SYT1: variants seen among roughly 807,000 people sequenced by gnomAD.
SYT1 encodes synaptotagmin 1, also known as synaptotagmin-1.
A neutral mutation model predicts 44.8 loss-of-function variants in SYT1; 8 were observed. That is an observed-to-expected ratio of 0.18 (90% CI 0.10 to 0.32). SYT1 has a LOEUF of 0.32. SYT1 is among the 10% of genes least tolerant of loss of function. The pLI is 1.00. For missense variants in SYT1, 286 were observed against 509.3 expected (o/e 0.56, Z 4.22); for synonymous variants, 154 against 188.8 (o/e 0.82, Z 1.51).
chr12:79,001,200 T>C (rs1870716296), intron 2 of SYT1, among the ~76,000 whole-genome samples: 1 of 152,056 alleles, frequency 6.6e-6, no homozygotes, highest in Non-Finnish European at 1.5e-5. Flanking sequence ...ATGCTACATT[T>C]AATGGACTAA....
chr12:79,171,800 TCTC>T (rs1201168253), intron 3 of SYT1, among the ~76,000 whole-genome samples: 2 of 151,928 alleles, frequency 1.3e-5, no homozygotes, highest in Non-Finnish European at 2.9e-5. Flanking sequence ...CAAACCTCAG[TCTC>T]CTCAGCTCTC....
rs11832365 is a variant in SYT1 at position 79,156,296 on chromosome 12, T to C, written c.-17-61207T>C. Among the ~76,000 whole-genome samples, 495 of 152,278 alleles carry C rather than the reference T, an allele frequency of 3.3e-3. 3 individuals carry two copies. Among genetic ancestry groups the C allele is most frequent in the African/African-American group, 0.011 (467 of 41,554 alleles). ...TTTTAATCAGGGAAGCTCACTGGTG[T>C]TCCTTGTATACACAGATGGCTTGTA... On this transcript the variant is annotated intron_variant, in intron 3 of 10. Transcript: ENST00000261205.
At chr12:79,404,714 G>A (rs1465049) in intron 9 of SYT1, among the ~76,000 whole-genome samples, 20,469 of 152,218 alleles carry the variant, frequency 0.13, 1,854 homozygotes, top group Middle Eastern at 0.34. Context: ...ATAATGCAAC[G>A]AGAGCTAACA....
intron 9 of SYT1, among the ~76,000 whole-genome samples, chr12:79,358,416 T>C (rs1883193472): frequency 1.3e-5 from 2 of 152,210 alleles, no homozygotes; most frequent in African/African-American, 4.8e-5. Context: ...ATTTTTTAAC[T>C]TGGTTTTCTC....
intron 3 of SYT1, among the ~76,000 whole-genome samples, chr12:79,132,755 C>T (rs948567298): frequency 2.7e-5 from 4 of 147,948 alleles, no homozygotes; most frequent in East Asian, 2.0e-4. Context: ...GGGTAGCTAT[C>T]GAAATGAAAG....
chr12:79,270,666 G>GA (rs1201162746), intron 4 of SYT1, among the ~76,000 whole-genome samples: 2 of 152,162 alleles, frequency 1.3e-5, no homozygotes, highest in African/African-American at 2.4e-5. Context: ...TTATGCCGTA[G>GA]ATTAAACCAA....
At chr12:79,060,068 C>T (rs895669721) in intron 3 of SYT1, among the ~76,000 whole-genome samples, 2 of 152,040 alleles carry the variant, frequency 1.3e-5, no homozygotes, top group Admixed American at 6.6e-5. Flanking sequence ...GTGAGCTCCA[C>T]AAGTGTGGTA....
intron 8 of SYT1, among the ~76,000 whole-genome samples, chr12:79,344,703 C>T (rs549906132): frequency 2.3e-4 from 35 of 152,156 alleles, no homozygotes; most frequent in East Asian, 1.6e-3. Flanking sequence ...GCAGTCTGCC[C>T]GCCTCTGCCT....
intron 4 of SYT1, among the ~76,000 whole-genome samples, chr12:79,283,333 G>C (rs971500238): frequency 6.6e-6 from 1 of 152,086 alleles, no homozygotes; most frequent in African/African-American, 2.4e-5. Context: ...TAAAACAAAA[G>C]TTTTTCAGTG....
chr12:79,184,201 G>T (rs532047395), intron 3 of SYT1, among the ~76,000 whole-genome samples: 30 of 152,036 alleles, frequency 2.0e-4, no homozygotes, highest in African/African-American at 6.7e-4. Context: ...AACTCACAGG[G>T]ATCTTGGTGT....
chr12:78,953,108 G>A (rs539005009), intron 1 of SYT1, among the ~76,000 whole-genome samples: 3 of 152,124 alleles, frequency 2.0e-5, no homozygotes, highest in African/African-American at 4.8e-5. Flanking sequence ...TTAACACATA[G>A]TAAGGGCACA....
chr12:79,351,609 C>G (rs1388720692), intron 8 of SYT1, among the ~76,000 whole-genome samples: 1 of 151,162 alleles, frequency 6.6e-6, no homozygotes, highest in Non-Finnish European at 1.5e-5. Context: ...TTTCTCTTGT[C>G]CCATAAAGTT....
At chr12:79,352,062 T>C (rs1565921584) in intron 8 of SYT1, among the ~76,000 whole-genome samples, 1 of 152,186 alleles carries the variant, frequency 6.6e-6, no homozygotes, top group Non-Finnish European at 1.5e-5. Context: ...TTGGTGATGT[T>C]TCCAGCACAG....
intron 1 of SYT1, among the ~76,000 whole-genome samples, chr12:78,899,548 C>A (rs1462912621): frequency 2.0e-5 from 3 of 151,800 alleles, no homozygotes; most frequent in Admixed American, 6.6e-5. Flanking sequence ...GAGAGAAATA[C>A]AATCTACTCT....
At position 78,931,251 on chromosome 12, in the gene SYT1, G is replaced by A. The variant is rs1459340028; in HGVS notation, c.-216-46548G>A. 5.7e-4 allele frequency among the ~76,000 whole-genome samples: 29 copies of A among 51,092 alleles called. 1 individual carries two copies. Among genetic ancestry groups the A allele is most frequent in the African/African-American group, 1.6e-3 (23 of 13,958 alleles). 33.5% of individuals were successfully genotyped at this position (51,092 alleles called of 152,430 possible). A position where few individuals can be genotyped will look rare whatever the true frequency, so the allele number is the denominator to read the frequency against. ...AGAAAGAAAGAAAGAAGGAAGGAAG[G>A]AAGGAAGGAAGGAAGGAAGGAAGGA... On this transcript the variant is annotated intron_variant, in intron 1 of 10. Transcript: ENST00000261205.
intron 3 of SYT1, among the ~76,000 whole-genome samples, chr12:79,211,673 G>A (rs1874466435): frequency 6.9e-6 from 1 of 144,278 alleles, no homozygotes; most frequent in African/African-American, 2.6e-5. Flanking sequence ...TCCCACCTAG[G>A]AGTGAGAATA....
chr12:78,916,105 AC>A (rs1876636000), intron 1 of SYT1, among the ~76,000 whole-genome samples: 2 of 152,044 alleles, frequency 1.3e-5, no homozygotes, highest in Non-Finnish European at 2.9e-5. Flanking sequence ...GAAGAAATGA[AC>A]CCCAACGGAA....
At position 79,353,636 on chromosome 12, in the gene SYT1, T is replaced by C. The variant is rs753008650; in HGVS notation, c.928+17T>C. On this transcript the variant is annotated intron_variant, in intron 9 of 10. Transcript: ENST00000261205. Reference sequence around the variant, plus strand: ...GCTTATCCGGTAAGCCTGCAGTGTTTATTGATTTTTTTCAAATGCTGTTTC... The same window carrying C: ...GCTTATCCGGTAAGCCTGCAGTGTTCATTGATTTTTTTCAAATGCTGTTTC... The C allele has an allele frequency of 5.7e-6, 9 of 1,592,226 alleles. No individual in the cohort carries two copies. The East Asian group carries it at 2.0e-4, about 36-fold the overall frequency.
intron 1 of SYT1, among the ~76,000 whole-genome samples, chr12:78,939,884 C>T (rs566361856): frequency 1.4e-3 from 214 of 152,302 alleles, no homozygotes; most frequent in Non-Finnish European, 2.4e-3. Context: ...GCCCTATCTG[C>T]TAGCTTGTCT....
Sources: gnomAD v4.1 joint callset for allele counts (sites outside exome capture counted in the v4.1 genomes callset) on GRCh38, gnomAD v4.1.1 for gene constraint, MANE v1.5 for transcripts, NCBI Gene and HGNC (gene_info 2026-07-23, HGNC 2026-07-21) for gene names.